Variants in PIK3C3 observed in about 807,000 individuals in gnomAD.
PIK3C3 encodes the protein phosphatidylinositol 3-kinase catalytic subunit type 3, also known as PI3-kinase type 3.
In PIK3C3, 95 loss-of-function variants were observed where a neutral mutation model predicts 126.1. The observed-to-expected ratio is 0.75, with a 90% CI of 0.64 to 0.89. PIK3C3 has a LOEUF of 0.89. Ranked by LOEUF, PIK3C3 falls within the 40% of genes least tolerant of loss-of-function variation. The pLI is 0.00. For synonymous variants in PIK3C3, 374 were observed against 360.0 expected (o/e 1.04, Z -0.44); for missense variants, 829 against 1,063.2 (o/e 0.78, Z 3.06).
At chr18:41,984,399 T>G (rs1336331503) in intron 4 of PIK3C3, among the ~76,000 whole-genome samples, 1 of 152,148 alleles carries the variant, frequency 6.6e-6, no homozygotes, top group Non-Finnish European at 1.5e-5. Flanking sequence ...GGTTATGGGC[T>G]AATTAGAATA....
intron 4 of PIK3C3, among the ~76,000 whole-genome samples, chr18:41,978,027 TCA>T (rs753099018): frequency 9.9e-5 from 15 of 152,186 alleles, no homozygotes; most frequent in Non-Finnish European, 1.9e-4. Flanking sequence ...AGTGGCACAC[TCA>T]CAGCTCACTG....
intron 15 of PIK3C3, 88 bp downstream of exon 15, chr18:42,029,529 C>A (rs947388791): frequency 2.6e-5 from 10 of 385,478 alleles, no homozygotes; most frequent in Non-Finnish European, 5.0e-5. Flanking sequence ...TGGGTTGATA[C>A]GTGAATTTTT....
chr18:41,988,087 T>C (rs908407278), intron 5 of PIK3C3, among the ~76,000 whole-genome samples, 189 bp downstream of exon 5: 1 of 152,140 alleles, frequency 6.6e-6, no homozygotes, highest in African/African-American at 2.4e-5. Context: ...TAACGTAATG[T>C]CAAACTATGA....
Position 42,058,144 on chromosome 18 carries a change from T to C in PIK3C3, c.2432+93T>C, listed in dbSNP as rs1325917871. 4.0e-6 allele frequency: 4 copies of C among 996,850 alleles called. No individual in the cohort carries two copies. In the East Asian group the frequency reaches 8.9e-5, roughly 22 times the overall value. The allele number at this position is 996,850 out of a possible 1,614,324, so 61.8% of individuals were successfully genotyped here. On this transcript the variant is annotated intron_variant, in intron 22 of 24. Transcript: ENST00000262039. Reference sequence around the variant, plus strand: ...GTTTAAATGTATGCATTCTTTAGCATTGATCACTTTTTCAAAATGACAAAG... The same window carrying C: ...GTTTAAATGTATGCATTCTTTAGCACTGATCACTTTTTCAAAATGACAAAG...
chr18:42,004,561 T>C lies in PIK3C3; in HGVS notation c.1170+20T>C, dbSNP rs369828588. 2.6e-5 allele frequency: 40 copies of C among 1,557,642 alleles called. No individual in the cohort carries two copies. In the African/African-American group the frequency reaches 3.6e-4, roughly 14 times the overall value. ...GATGAGGTGCATTATTATTTATTATTCTGCTTCAATGGGTCATTTTAAACT... is the reference window on the plus strand; with the variant it reads ...GATGAGGTGCATTATTATTTATTATCCTGCTTCAATGGGTCATTTTAAACT... On this transcript the variant is annotated intron_variant, in intron 10 of 24. Coordinates refer to ENST00000262039, the MANE Select transcript of PIK3C3 (RefSeq NM_002647.4).
chr18:42,023,906 G>T (rs1182805727), intron 13 of PIK3C3, among the ~76,000 whole-genome samples: 3 of 152,142 alleles, frequency 2.0e-5, no homozygotes, highest in African/African-American at 7.2e-5. Context: ...TCTTGCTGTA[G>T]CTAAATCCTT....
rs1282212276 is a variant in PIK3C3 at position 42,082,577 on chromosome 18, TAGTC to T, written c.*1443_*1446del. On this transcript the variant is annotated 3_prime_UTR_variant, in exon 25 of 25. Transcript: ENST00000262039. ...CACATGTTTATGTCTTTTTTGTTAT[TAGTC>T]AGACATTTTTAGCCCTCTGTATGCT... The T allele has an allele frequency of 6.6e-6, 1 of 152,222 alleles. No homozygotes were observed. Among genetic ancestry groups the T allele is most frequent in the Admixed American group, 6.5e-5 (1 of 15,276 alleles). The allele number at this position is 152,222 out of a possible 1,614,324, so 9.4% of individuals were successfully genotyped here.
chr18:42,021,472 G>A (rs989290635), intron 13 of PIK3C3, among the ~76,000 whole-genome samples: 4 of 152,160 alleles, frequency 2.6e-5, no homozygotes, highest in African/African-American at 9.7e-5. Flanking sequence ...TTAAACACTA[G>A]ATAAGAGGGC....
chr18:42,029,134 G>T (rs1055702738), intron 14 of PIK3C3, among the ~76,000 whole-genome samples, 191 bp from the exon 15 acceptor site: 2 of 152,174 alleles, frequency 1.3e-5, no homozygotes, highest in African/African-American at 4.8e-5. Flanking sequence ...TTCGATTGTG[G>T]ATGGATTAGT....
chr18:42,069,225 T>C (rs918732459), intron 24 of PIK3C3, among the ~76,000 whole-genome samples: 23 of 152,334 alleles, frequency 1.5e-4, no homozygotes, highest in African/African-American at 5.3e-4. Flanking sequence ...GGGTCATTAA[T>C]TGTAACCAAT....
chr18:41,998,989 C>T (rs1052200273), intron 9 of PIK3C3, among the ~76,000 whole-genome samples: 1 of 152,100 alleles, frequency 6.6e-6, no homozygotes, highest in African/African-American at 2.4e-5. Flanking sequence ...AGGCAGTGCT[C>T]AGAAAACAAA....
intron 23 of PIK3C3, among the ~76,000 whole-genome samples, chr18:42,066,452 G>C (rs920362285): frequency 1.3e-5 from 2 of 151,968 alleles, no homozygotes; most frequent in Non-Finnish European, 2.9e-5. Flanking sequence ...AAGTATATGT[G>C]GGTTATTTAC....
intron 3 of PIK3C3, among the ~76,000 whole-genome samples, chr18:41,965,559 A>G (rs961446917): frequency 2.6e-5 from 4 of 152,172 alleles, no homozygotes; most frequent in Non-Finnish European, 4.4e-5. Flanking sequence ...TCACTAACTC[A>G]GTGTGTCTGT....
chr18:41,984,460 A>G (rs1013952096), intron 4 of PIK3C3, among the ~76,000 whole-genome samples: 1 of 152,058 alleles, frequency 6.6e-6, no homozygotes, highest in Non-Finnish European at 1.5e-5. Flanking sequence ...TAATAAAAAA[A>G]TTTAATATAA....
chr18:42,004,624 AGAGT>A, intron 10 of PIK3C3, 83 bp downstream of exon 10: 1 of 1,028,346 alleles, frequency 9.7e-7, no homozygotes, highest in African/African-American at 1.6e-5. Context: ...TGTGTGTGTG[AGAGT>A]GAGAGAGAGA....
At position 41,996,107 on chromosome 18, in the gene PIK3C3, A is replaced by G. The variant is rs566041246; in HGVS notation, c.891+113A>G. ...TTAGATGCACATTTTCTCCAGGTTG[A>G]TGAATCCTACATCATGTTCATAATT... is the stretch of plus-strand genomic sequence containing the variant. On this transcript the variant is annotated intron_variant, in intron 8 of 24. Coordinates refer to ENST00000262039, the MANE Select transcript of PIK3C3 (RefSeq NM_002647.4). 1.3e-5 allele frequency: 9 copies of G among 708,476 alleles called. No individual in the cohort carries two copies. The East Asian group carries it at 2.2e-4, about 17-fold the overall frequency. The allele number at this position is 708,476 out of a possible 1,614,324, so 43.9% of individuals were successfully genotyped here. A position where few individuals can be genotyped will look rare whatever the true frequency, so the allele number is the denominator to read the frequency against.
intron 6 of PIK3C3, among the ~76,000 whole-genome samples, chr18:41,990,848 T>A (rs551066452): frequency 6.6e-6 from 1 of 152,332 alleles, no homozygotes; most frequent in South Asian, 2.1e-4. Context: ...AAGTAATGGC[T>A]TCATTTACTA....
chr18:42,025,721 T>C (rs559213410), intron 13 of PIK3C3: 1 of 152,184 alleles, frequency 6.6e-6, no homozygotes, highest in African/African-American at 2.4e-5. Context: ...AAAATTAGAG[T>C]GCATGAATGT....
chr18:41,984,052 A>G (rs1981343553), intron 4 of PIK3C3, among the ~76,000 whole-genome samples: 1 of 150,608 alleles, frequency 6.6e-6, no homozygotes, highest in South Asian at 2.1e-4. Flanking sequence ...AGAGAGAATG[A>G]ATTTTTTTTT....
Sources: gnomAD v4.1 joint callset for allele counts (sites outside exome capture counted in the v4.1 genomes callset) on GRCh38, gnomAD v4.1.1 for gene constraint, MANE v1.5 for transcripts, NCBI Gene and HGNC (gene_info 2026-07-23, HGNC 2026-07-21) for gene names.